The following TMCO5A variants were observed in gnomAD, a reference collection of about 807,000 sequenced individuals.
The protein encoded by TMCO5A is transmembrane and coiled-coil domain-containing protein 5A.
In TMCO5A, 34 loss-of-function variants were observed where a neutral mutation model predicts 42.3. The ratio of observed to expected loss-of-function variants is 0.80; its 90% confidence interval spans 0.61 to 1.07. The LOEUF (loss-of-function observed/expected upper bound fraction) is 1.07. Among genes scored for constraint, TMCO5A ranks in the 50% least tolerant of loss-of-function variants. TMCO5A has a pLI of 0.00. For missense variants in TMCO5A, 357 were observed against 327.9 expected (o/e 1.09, Z -0.69); for synonymous variants, 131 against 115.6 (o/e 1.13, Z -0.86).
chr15:37,939,406 C>T lies in TMCO5A; in HGVS notation c.387+1177C>T, dbSNP rs184393680. 6.6e-5 allele frequency among the ~76,000 whole-genome samples: 10 copies of T among 152,090 alleles called. No homozygotes were observed. In the East Asian group the frequency reaches 1.9e-3, roughly 30 times the overall value. The stretch of plus-strand genomic sequence containing the variant: ...AGAGAAATCAGGAAGAAATTGGAGC[C>T]AAAATTAGGAAGAGCTATAAAGACC... On this transcript the variant is annotated intron_variant, in intron 6 of 11. Transcript: ENST00000319669.
the TMCO5A span, among the ~76,000 whole-genome samples, chr15:38,028,803 C>T: frequency 6.6e-6 from 1 of 152,140 alleles, no homozygotes; most frequent in African/African-American, 2.4e-5. Context: ...AAGGTAACAC[C>T]TTGTGCGCCT....
chr15:38,014,376 A>C, the TMCO5A span, among the ~76,000 whole-genome samples: 4 of 152,114 alleles, frequency 2.6e-5, no homozygotes, highest in Non-Finnish European at 5.9e-5. Context: ...TCGATTACAA[A>C]CACTTGATTT....
the TMCO5A span, among the ~76,000 whole-genome samples, chr15:38,008,186 T>C: frequency 0.021 from 3,263 of 152,064 alleles, 103 homozygotes; most frequent in African/African-American, 0.068. Flanking sequence ...TGAGCCACCG[T>C]GCCCAGCCAA....
intron 10 of TMCO5A, 136 bp from the exon 11 acceptor site, chr15:37,947,520 A>G (rs894051904): frequency 1.6e-6 from 1 of 616,434 alleles, no homozygotes; most frequent in Non-Finnish European, 2.8e-6. Flanking sequence ...CCTGAAAATT[A>G]TATGTGCTTA....
chr15:37,977,332 T>C, the TMCO5A span, among the ~76,000 whole-genome samples: 1 of 152,188 alleles, frequency 6.6e-6, no homozygotes, highest in South Asian at 2.1e-4. Flanking sequence ...GGTTCTTATT[T>C]GTGTGGGTTA....
chr15:38,020,374 AC>A, the TMCO5A span: 1 of 152,096 alleles, frequency 6.6e-6, no homozygotes, highest in Non-Finnish European at 1.5e-5. Context: ...AATTCAATGA[AC>A]CCTTGGAAGA....
chr15:37,968,582 C>CTTTT (rs61091144), downstream of TMCO5A, among the ~76,000 whole-genome samples: 12 of 131,130 alleles, frequency 9.2e-5, no homozygotes, highest in African/African-American at 2.8e-4. Context: ...TTCTACATTT[C>CTTTT]TTTTTTTTTT....
chr15:37,965,682 G>T (rs1425912663), intron 11 of TMCO5A, among the ~76,000 whole-genome samples: 1 of 152,090 alleles, frequency 6.6e-6, no homozygotes, highest in Non-Finnish European at 1.5e-5. Flanking sequence ...GATCATCAGA[G>T]AAATGCAAAT....
intron 11 of TMCO5A, among the ~76,000 whole-genome samples, chr15:37,963,520 T>C (rs1890483623): frequency 6.6e-6 from 1 of 152,172 alleles, no homozygotes; most frequent in Admixed American, 6.6e-5. Flanking sequence ...ATAGAATGTG[T>C]ATTGTGCAGT....
chr15:37,993,670 G>A, the TMCO5A span, among the ~76,000 whole-genome samples: 2 of 152,122 alleles, frequency 1.3e-5, no homozygotes. Flanking sequence ...GGAGAGCCTT[G>A]CAATGGTGTG....
chr15:38,039,706 T>C, the TMCO5A span, among the ~76,000 whole-genome samples: 1 of 152,240 alleles, frequency 6.6e-6, no homozygotes, highest in Admixed American at 6.5e-5. Context: ...ATATTTGCCT[T>C]GACAAGTAAA....
At chr15:37,973,549 A>C in the TMCO5A span, among the ~76,000 whole-genome samples, 1 of 151,988 alleles carries the variant, frequency 6.6e-6, no homozygotes, top group African/African-American at 2.4e-5. Flanking sequence ...TGTGAATGTG[A>C]TTCATTCCTG....
Position 37,936,976 on chromosome 15 carries a change from C to A in TMCO5A, c.264+6C>A. The stretch of plus-strand genomic sequence containing the variant: ...AGGAAGAAACAGCCAGACTTGTAAG[C>A]AAGAAGTTGGGAAGAGCCATTTAAT... On this transcript the variant is annotated splice_donor_region_variant and intron_variant, in intron 4 of 11. Transcript: ENST00000319669. 1.2e-6 allele frequency: 2 copies of A among 1,611,732 alleles called. No individual in the cohort carries two copies. The highest frequency in any genetic ancestry group is 2.2e-5 in the South Asian group (2 of 90,944).
the TMCO5A span, among the ~76,000 whole-genome samples, chr15:38,030,633 C>G: frequency 6.6e-6 from 1 of 152,164 alleles, no homozygotes; most frequent in East Asian, 1.9e-4. Flanking sequence ...ATAAAGGGCT[C>G]GACCTGACGT....
chr15:38,000,333 T>C, the TMCO5A span, among the ~76,000 whole-genome samples: 1 of 152,152 alleles, frequency 6.6e-6, no homozygotes, highest in African/African-American at 2.4e-5. Flanking sequence ...CCTGTAATTA[T>C]CCTTTGAATT....
chr15:37,968,798 G>T (rs939844415), downstream of TMCO5A, among the ~76,000 whole-genome samples: 1 of 151,922 alleles, frequency 6.6e-6, no homozygotes, highest in Admixed American at 6.6e-5. Flanking sequence ...GGCCAGGCTG[G>T]TCTCCAACTC....
At chr15:37,982,731 T>C in the TMCO5A span, among the ~76,000 whole-genome samples, 1 of 140,450 alleles carries the variant, frequency 7.1e-6, no homozygotes, top group East Asian at 2.0e-4. Context: ...ATATCTATAA[T>C]ATATAAATAT....
At chr15:38,033,256 A>T in the TMCO5A span, among the ~76,000 whole-genome samples, 1 of 152,176 alleles carries the variant, frequency 6.6e-6, no homozygotes, top group African/African-American at 2.4e-5. Context: ...TAAGATGATT[A>T]TGAAAGCCCT....
At chr15:37,936,083 T>C (rs906956865) in intron 2 of TMCO5A, 9 of 372,420 alleles carry the variant, frequency 2.4e-5, no homozygotes, top group Non-Finnish European at 3.8e-5. Context: ...ACTGTTAGAT[T>C]GAGCACTTTG....
Sources: allele counts gnomAD v4.1 joint callset (sites outside exome capture counted in the v4.1 genomes callset), GRCh38; gene constraint gnomAD v4.1.1; transcripts MANE v1.5; gene names NCBI Gene and HGNC (gene_info 2026-07-23, HGNC 2026-07-21).